Variants in PPARG observed in about 807,000 individuals in gnomAD.
PPARG encodes the protein peroxisome proliferator-activated receptor gamma.
PPARG carries 17 observed loss-of-function variants against 39.2 expected under a neutral mutation model. That is an observed-to-expected ratio of 0.43 (90% CI 0.30 to 0.65). The LOEUF (loss-of-function observed/expected upper bound fraction) is 0.65, where lower values mean the gene tolerates loss of function less well. Ranked by LOEUF, PPARG falls within the 30% of genes least tolerant of loss-of-function variation. The probability of loss-of-function intolerance (pLI) is 0.13; values close to 1 mark genes in which losing one functional copy is unlikely to be tolerated. For synonymous variants in PPARG, 223 were observed against 215.7 expected (o/e 1.03, Z -0.30); for missense variants, 406 against 585.9 (o/e 0.69, Z 3.17).
At chr3:12,306,801 G>T (rs1184661641) in intron 1 of PPARG, among the ~76,000 whole-genome samples, 1 of 152,138 alleles carries the variant, frequency 6.6e-6, no homozygotes, top group Admixed American at 6.5e-5. Context: ...TCATCACTTA[G>T]AAATCAACCG....
intron 2 of PPARG, among the ~76,000 whole-genome samples, chr3:12,356,099 G>A (rs1349279006): frequency 1.3e-4 from 20 of 152,174 alleles, no homozygotes; most frequent in Admixed American, 1.3e-3. Context: ...CTTAAAATAG[G>A]CACTAGAGGT....
intron 6 of PPARG, among the ~76,000 whole-genome samples, chr3:12,408,519 T>C (rs1200746044): frequency 6.6e-6 from 1 of 151,090 alleles, no homozygotes; most frequent in Non-Finnish European, 1.5e-5. Flanking sequence ...GAAAGAGCCC[T>C]AAAGCAAACT....
chr3:12,412,694 C>T (rs909537454), intron 6 of PPARG, among the ~76,000 whole-genome samples: 4 of 152,152 alleles, frequency 2.6e-5, no homozygotes, highest in Non-Finnish European at 4.4e-5. Context: ...TCATGGGGCC[C>T]TTCCCTTGTG....
intron 4 of PPARG, among the ~76,000 whole-genome samples, chr3:12,389,764 G>GT (rs1394267716): frequency 1.3e-5 from 2 of 152,096 alleles, no homozygotes; most frequent in African/African-American, 4.8e-5. Flanking sequence ...AGGTATGGTG[G>GT]TGCATGCCTA....
chr3:12,391,697 T>A (rs1015451150), intron 4 of PPARG, among the ~76,000 whole-genome samples: 2 of 152,128 alleles, frequency 1.3e-5, no homozygotes, highest in Non-Finnish European at 2.9e-5. Context: ...CAGAACATAC[T>A]CATCCAGAGT....
At chr3:12,411,412 A>G (rs1296116896) in intron 6 of PPARG, among the ~76,000 whole-genome samples, 1 of 152,146 alleles carries the variant, frequency 6.6e-6, no homozygotes. Context: ...TTCAAACTTC[A>G]CTTCTATCAC....
chr3:12,290,908 G>A (rs2124919014), intron 1 of PPARG, among the ~76,000 whole-genome samples: 1 of 152,228 alleles, frequency 6.6e-6, no homozygotes, highest in Admixed American at 6.5e-5. Context: ...TTTTCTGAAT[G>A]TTTCACACAT....
intron 2 of PPARG, among the ~76,000 whole-genome samples, chr3:12,341,974 T>C (rs2048195910): frequency 6.6e-6 from 1 of 152,190 alleles, no homozygotes; most frequent in Non-Finnish European, 1.5e-5. Flanking sequence ...CAAAGTAACA[T>C]TGCACTGATG....
At chr3:12,351,896 C>T (rs1275503756) in intron 2 of PPARG, among the ~76,000 whole-genome samples, 5 of 152,120 alleles carry the variant, frequency 3.3e-5, no homozygotes, top group Non-Finnish European at 7.4e-5. Flanking sequence ...CTGTGCATGG[C>T]TCCCATTTCC....
At chr3:12,300,640 T>A (rs1190494498) in intron 1 of PPARG, among the ~76,000 whole-genome samples, 2 of 152,054 alleles carry the variant, frequency 1.3e-5, no homozygotes, top group Non-Finnish European at 2.9e-5. Context: ...TGCAGACTAA[T>A]ATTAATATCA....
At chr3:12,352,939 G>C (rs929981588) in intron 2 of PPARG, among the ~76,000 whole-genome samples, 2 of 152,174 alleles carry the variant, frequency 1.3e-5, no homozygotes, top group African/African-American at 4.8e-5. Flanking sequence ...CCTCAGGGCA[G>C]AATGTCCTGG....
At chr3:12,341,038 C>T (rs2048168225) in intron 2 of PPARG, among the ~76,000 whole-genome samples, 1 of 152,092 alleles carries the variant, frequency 6.6e-6, no homozygotes, top group Admixed American at 6.6e-5. Context: ...CAAAAATTAG[C>T]CAGGCATGGT....
At chr3:12,425,518 A>G (rs938110409) in intron 7 of PPARG, among the ~76,000 whole-genome samples, 3 of 152,106 alleles carry the variant, frequency 2.0e-5, no homozygotes, top group African/African-American at 4.8e-5. Flanking sequence ...TATCCTGCCC[A>G]GAGCATCGCA....
At chr3:12,324,676 C>T (rs144022607) in intron 2 of PPARG, among the ~76,000 whole-genome samples, 108 of 152,210 alleles carry the variant, frequency 7.1e-4, no homozygotes, top group African/African-American at 2.5e-3. Flanking sequence ...TTCACAGATA[C>T]GTCAACCATA....
At chr3:12,417,422 T>TTTTTC (rs909653097) in intron 7 of PPARG, among the ~76,000 whole-genome samples, 6 of 152,320 alleles carry the variant, frequency 3.9e-5, no homozygotes, top group Non-Finnish European at 1.5e-5. Context: ...CTCCTTTTTC[T>TTTTTC]TTTTCTTTTC....
chr3:12,330,606 C>CA (rs2047831518), intron 2 of PPARG, among the ~76,000 whole-genome samples: 1 of 152,182 alleles, frequency 6.6e-6, no homozygotes, highest in Non-Finnish European at 1.5e-5. Context: ...CTTCCATTGC[C>CA]ATATACATTG....
chr3:12,316,020 G>A (rs1057050051), intron 2 of PPARG, among the ~76,000 whole-genome samples: 2 of 152,134 alleles, frequency 1.3e-5, no homozygotes, highest in Admixed American at 1.3e-4. Context: ...TTGTTTCTAG[G>A]CAAAATGTCT....
chr3:12,323,384 G>A (rs2047600659), intron 2 of PPARG, among the ~76,000 whole-genome samples: 1 of 151,356 alleles, frequency 6.6e-6, no homozygotes, highest in South Asian at 2.1e-4. Flanking sequence ...TGAAAGCTGA[G>A]GTATTAAGAA....
intron 2 of PPARG, among the ~76,000 whole-genome samples, chr3:12,350,959 G>A (rs747892061): frequency 6.6e-6 from 1 of 152,024 alleles, no homozygotes; most frequent in African/African-American, 2.4e-5. Context: ...ATCATTTTGG[G>A]CTTCACAAAT....
Sources: allele counts gnomAD v4.1 joint callset (sites outside exome capture counted in the v4.1 genomes callset), GRCh38; gene constraint gnomAD v4.1.1; transcripts MANE v1.5; gene names NCBI Gene and HGNC (gene_info 2026-07-23, HGNC 2026-07-21).